The following TMEM135 variants were observed in gnomAD, a reference collection of about 807,000 sequenced individuals.
TMEM135 encodes transmembrane protein 135.
A neutral mutation model predicts 60.3 loss-of-function variants in TMEM135; 30 were observed. The ratio of observed to expected loss-of-function variants is 0.50; its 90% CI spans 0.37 to 0.68. The LOEUF (loss-of-function observed/expected upper bound fraction) is 0.68. Ranked by LOEUF, TMEM135 falls within the 30% of genes least tolerant of loss-of-function variation. The pLI, the probability that TMEM135 is intolerant of heterozygous loss-of-function variation, is 0.00. For missense variants in TMEM135, 468 were observed against 548.8 expected, an observed-to-expected ratio of 0.85 and a Z score of 1.47; for synonymous variants, 190 against 186.7, an observed-to-expected ratio of 1.02 and a Z score of -0.14.
Position 87,078,389 on chromosome 11 carries a change from A to G in TMEM135, c.362+6774A>G, listed in dbSNP as rs377025399. Among the ~76,000 whole-genome samples the G allele has an allele frequency of 5.3e-4, 81 of 152,326 alleles. 2 individuals carry two copies. The highest frequency in any genetic ancestry group is 1.8e-3 in the African/African-American group (76 of 41,578). On this transcript the variant is annotated intron_variant, in intron 3 of 14. Transcript: ENST00000305494. The stretch of plus-strand genomic sequence containing the variant: ...ACATATCTTCTTTGGAGAAATGTCT[A>G]TTCAAATCCTTTGCCCATGTTTTAA...
At chr11:87,141,677 T>C (rs1305933306) in intron 4 of TMEM135, among the ~76,000 whole-genome samples, 1 of 152,164 alleles carries the variant, frequency 6.6e-6, no homozygotes, top group Non-Finnish European at 1.5e-5. Context: ...AGAAAGTTGT[T>C]CACTTATAAG....
chr11:87,316,536 G>A (rs1002206550), intron 12 of TMEM135, among the ~76,000 whole-genome samples: 1 of 152,048 alleles, frequency 6.6e-6, no homozygotes, highest in East Asian at 1.9e-4. Flanking sequence ...AAAGCTGAGA[G>A]AACAGTTAGT....
intron 6 of TMEM135, among the ~76,000 whole-genome samples, chr11:87,237,745 T>G (rs1941032939): frequency 6.6e-6 from 1 of 151,924 alleles, no homozygotes; most frequent in South Asian, 2.1e-4. Flanking sequence ...CACCCTGTTG[T>G]GCTATCAAAT....
At chr11:87,118,823 A>G (rs1857963084) in intron 4 of TMEM135, among the ~76,000 whole-genome samples, 1 of 152,132 alleles carries the variant, frequency 6.6e-6, no homozygotes, top group African/African-American at 2.4e-5. Flanking sequence ...CTTAAATCTC[A>G]TGAACCCACC....
intron 2 of TMEM135, among the ~76,000 whole-genome samples, chr11:87,071,146 C>T (rs1465573251): frequency 6.6e-6 from 1 of 152,082 alleles, no homozygotes; most frequent in Non-Finnish European, 1.5e-5. Context: ...ACTGTAGCCG[C>T]CTTAATGAGA....
At chr11:87,183,220 G>A (rs997730516) in intron 5 of TMEM135, among the ~76,000 whole-genome samples, 1 of 139,394 alleles carries the variant, frequency 7.2e-6, no homozygotes, top group Non-Finnish European at 1.5e-5. Context: ...TTGGCTCACT[G>A]CAACCTCTGC....
chr11:87,089,299 C>T (rs1404210732), intron 3 of TMEM135, among the ~76,000 whole-genome samples: 1 of 152,092 alleles, frequency 6.6e-6, no homozygotes, highest in East Asian at 1.9e-4. Flanking sequence ...CTTTGGGGTG[C>T]CAGGGCAGGA....
intron 5 of TMEM135, among the ~76,000 whole-genome samples, chr11:87,162,553 A>G (rs1270060470): frequency 7.8e-6 from 1 of 128,782 alleles, no homozygotes; most frequent in East Asian, 3.5e-4. Flanking sequence ...ACATGAAGTC[A>G]TCCCTTTTAT....
intron 4 of TMEM135, among the ~76,000 whole-genome samples, chr11:87,157,072 T>TC (rs1938718074): frequency 9.0e-6 from 1 of 111,640 alleles, no homozygotes. Context: ...TTTCTTTCTT[T>TC]TGTTTTTTTT....
At chr11:87,157,628 A>G in intron 5 of TMEM135, 1 of 460,002 alleles carries the variant, frequency 2.2e-6, no homozygotes, top group South Asian at 2.8e-5. Context: ...ACCTTTAGTT[A>G]TCAAATATCT....
rs537697300 is a variant in TMEM135, at chr11:87,085,591, AC to A, written c.363-5768del. Reference sequence around the variant, plus strand: ...GGCCAACATGGTGAAACCTTGCTCTACCCAAAATACAAAAAATTAGCTGGGT... The same window carrying A: ...GGCCAACATGGTGAAACCTTGCTCTACCAAAATACAAAAAATTAGCTGGGT... On this transcript the variant is annotated intron_variant, in intron 3 of 14. Transcript: ENST00000305494. Among the ~76,000 whole-genome samples the A allele has an allele frequency of 3.9e-5, 6 of 152,060 alleles. No individual in the cohort carries two copies. In the South Asian group the frequency reaches 1.2e-3, roughly 32 times the overall value.
chr11:87,085,595 A>G (rs1415204898), intron 3 of TMEM135, among the ~76,000 whole-genome samples: 2 of 152,066 alleles, frequency 1.3e-5, no homozygotes, highest in African/African-American at 4.8e-5. Context: ...TGCTCTACCC[A>G]AAATACAAAA....
chr11:87,174,709 CTG>C (rs1939325656), intron 5 of TMEM135, among the ~76,000 whole-genome samples: 1 of 152,138 alleles, frequency 6.6e-6, no homozygotes, highest in African/African-American at 2.4e-5. Context: ...TCCTTGGAAA[CTG>C]TGACTTTAAG....
At chr11:87,289,035 T>A (rs1036202457) in intron 6 of TMEM135, among the ~76,000 whole-genome samples, 4 of 152,248 alleles carry the variant, frequency 2.6e-5, no homozygotes, top group African/African-American at 7.2e-5. Context: ...ATTTTTCTTA[T>A]GTAAAAATTG....
intron 4 of TMEM135, among the ~76,000 whole-genome samples, chr11:87,152,323 G>A (rs1480954745): frequency 2.0e-5 from 3 of 151,960 alleles, no homozygotes; most frequent in Non-Finnish European, 4.4e-5. Context: ...AGGGAGTAAC[G>A]TTAAGTCTAT....
chr11:87,070,098 A>G (rs1029309226), intron 2 of TMEM135, among the ~76,000 whole-genome samples: 1 of 152,052 alleles, frequency 6.6e-6, no homozygotes, highest in African/African-American at 2.4e-5. Context: ...CCTTGAACCC[A>G]GGAATTTCGG....
chr11:87,318,015 G>A (rs1001234378), intron 12 of TMEM135, 122 bp from the exon 13 acceptor site: 9 of 758,634 alleles, frequency 1.2e-5, no homozygotes, highest in Non-Finnish European at 2.1e-5. Context: ...ATGTGACATC[G>A]TTTGAGCTCT....
chr11:87,123,592 A>G (rs919977181), intron 4 of TMEM135, among the ~76,000 whole-genome samples: 8 of 152,350 alleles, frequency 5.3e-5, no homozygotes, highest in African/African-American at 1.9e-4. Flanking sequence ...TGTGGGGACA[A>G]TATTCAACCC....
chr11:87,089,875 T>TAA (rs916267037), intron 3 of TMEM135, among the ~76,000 whole-genome samples: 1 of 152,154 alleles, frequency 6.6e-6, no homozygotes, highest in Non-Finnish European at 1.5e-5. Flanking sequence ...AAAAGGACAT[T>TAA]AAAAAAACCT....
Sources: gnomAD v4.1 joint callset for allele counts (sites outside exome capture counted in the v4.1 genomes callset) on GRCh38, gnomAD v4.1.1 for gene constraint, MANE v1.5 for transcripts, NCBI Gene and HGNC (gene_info 2026-07-23, HGNC 2026-07-21) for gene names.